The following TSHZ2 variants were observed in gnomAD, a reference collection of about 807,000 sequenced individuals.
TSHZ2 encodes teashirt homolog 2.
Under a neutral mutation model 74.4 loss-of-function variants are expected in TSHZ2, and 21 were observed. The observed-to-expected ratio is 0.28, with a 90% CI of 0.20 to 0.41. The LOEUF (loss-of-function observed/expected upper bound fraction) is 0.41, where lower values mean the gene tolerates loss of function less well. Ranked by LOEUF, TSHZ2 falls within the 10% of genes least tolerant of loss-of-function variation. The pLI is 1.00. For missense variants in TSHZ2, 1,244 were observed against 1,293.5 expected, an observed-to-expected ratio of 0.96 and a Z score of 0.59; for synonymous variants, 540 against 515.3, an observed-to-expected ratio of 1.05 and a Z score of -0.65.
At chr20:53,142,846 T>C (rs1025770326) in intron 1 of TSHZ2, among the ~76,000 whole-genome samples, 20 of 152,074 alleles carry the variant, frequency 1.3e-4, no homozygotes, top group African/African-American at 4.8e-4. Context: ...AATGCTCTGC[T>C]TAATACTATC....
chr20:53,445,643 A>G (rs1225000084), intron 2 of TSHZ2, among the ~76,000 whole-genome samples: 1 of 152,178 alleles, frequency 6.6e-6, no homozygotes, highest in Non-Finnish European at 1.5e-5. Context: ...CTGGTACCCA[A>G]TGCCACAGCA....
At chr20:53,108,300 CAG>C (rs1459618337) in intron 1 of TSHZ2, among the ~76,000 whole-genome samples, 3 of 152,190 alleles carry the variant, frequency 2.0e-5, no homozygotes, top group Non-Finnish European at 2.9e-5. Flanking sequence ...GGGAGTAAGA[CAG>C]AATTATTTTC....
At chr20:52,978,690 C>T (rs1193209010) in intron 1 of TSHZ2, among the ~76,000 whole-genome samples, 2 of 152,036 alleles carry the variant, frequency 1.3e-5, no homozygotes, top group African/African-American at 4.8e-5. Flanking sequence ...TCAAACTGAA[C>T]GACTTTTATT....
chr20:53,116,065 A>G (rs987553154), intron 1 of TSHZ2, among the ~76,000 whole-genome samples: 5 of 152,164 alleles, frequency 3.3e-5, no homozygotes, highest in Non-Finnish European at 5.9e-5. Context: ...TCTCTTCCTT[A>G]TATCAGTTAG....
chr20:53,085,398 G>A (rs898599000), intron 1 of TSHZ2, among the ~76,000 whole-genome samples: 2 of 152,016 alleles, frequency 1.3e-5, no homozygotes, highest in Non-Finnish European at 2.9e-5. Context: ...GAGAAAGAAA[G>A]AAAGACCGAT....
intron 2 of TSHZ2, among the ~76,000 whole-genome samples, chr20:53,446,887 G>T (rs980153052): frequency 6.6e-6 from 1 of 152,118 alleles, no homozygotes; most frequent in African/African-American, 2.4e-5. Context: ...CTAAACAGCT[G>T]CCCCACTCAT....
intron 1 of TSHZ2, chr20:53,185,588 C>A: frequency 6.5e-7 from 1 of 1,526,814 alleles, no homozygotes; most frequent in South Asian, 1.2e-5. Flanking sequence ...CCACTGCACT[C>A]CAGCTGGGGA....
intron 1 of TSHZ2, among the ~76,000 whole-genome samples, chr20:53,225,479 C>T (rs1450326265): frequency 1.3e-5 from 2 of 152,220 alleles, no homozygotes; most frequent in Non-Finnish European, 1.5e-5. Context: ...AAGGCCAGAG[C>T]TTCCCAGGTG....
At chr20:53,246,643 A>C (rs1005251109) in intron 1 of TSHZ2, among the ~76,000 whole-genome samples, 12 of 152,190 alleles carry the variant, frequency 7.9e-5, no homozygotes, top group Admixed American at 2.0e-4. Context: ...ACTCCACTAA[A>C]GTGTCTTGCA....
In TSHZ2 at chr20:53,106,391, C is replaced by CTTTTTTTTTTTTTT. The variant is rs71194458; in HGVS notation, c.40+133076_40+133089dup. On this transcript the variant is annotated intron_variant, in intron 1 of 2. Transcript: ENST00000371497. Reference sequence around the variant, plus strand: ...TTCCTCTAGGGCCTTCTCACACTTTCTTTTTTTTTTTTTTTTTTTTTTTTT... The same window carrying CTTTTTTTTTTTTTT: ...TTCCTCTAGGGCCTTCTCACACTTTCTTTTTTTTTTTTTTTTTTTTTTTTTTTTTTTTTTTTTTT... Among the ~76,000 whole-genome samples, 39 of 58,978 alleles carry CTTTTTTTTTTTTTT rather than the reference C, an allele frequency of 6.6e-4. 11 individuals are homozygous for CTTTTTTTTTTTTTT. The highest frequency in any genetic ancestry group is 2.5e-3 in the African/African-American group (36 of 14,282). 38.7% of individuals were successfully genotyped at this position (58,978 alleles called of 152,430 possible).
At chr20:53,209,366 C>T (rs1371313177) in intron 1 of TSHZ2, among the ~76,000 whole-genome samples, 2 of 152,178 alleles carry the variant, frequency 1.3e-5, no homozygotes, top group Non-Finnish European at 2.9e-5. Context: ...GGATTACAGG[C>T]ATGAGCCACT....
intron 2 of TSHZ2, among the ~76,000 whole-genome samples, chr20:53,358,450 C>A (rs1257097470): frequency 6.8e-6 from 1 of 146,272 alleles, no homozygotes; most frequent in Admixed American, 7.0e-5. Flanking sequence ...AAGCAGTTCT[C>A]GTGCCTCAGC....
At chr20:53,446,302 G>A (rs180906080) in intron 2 of TSHZ2, among the ~76,000 whole-genome samples, 8 of 151,592 alleles carry the variant, frequency 5.3e-5, no homozygotes, top group Admixed American at 3.3e-4. Context: ...GGTGACTTAC[G>A]CCTGTAATCC....
At chr20:53,168,202 G>A (rs997695055) in intron 1 of TSHZ2, among the ~76,000 whole-genome samples, 2 of 152,214 alleles carry the variant, frequency 1.3e-5, no homozygotes, top group Non-Finnish European at 2.9e-5. Flanking sequence ...TGTCTGGATA[G>A]TTGTTTGCTG....
intron 2 of TSHZ2, among the ~76,000 whole-genome samples, chr20:53,445,123 G>C (rs760343872): frequency 1.1e-4 from 17 of 152,204 alleles, no homozygotes; most frequent in African/African-American, 1.4e-4. Flanking sequence ...GGAGAAACTT[G>C]AAGTGTAAGG....
At chr20:53,368,091 G>A (rs1287616802) in intron 2 of TSHZ2, among the ~76,000 whole-genome samples, 2 of 152,160 alleles carry the variant, frequency 1.3e-5, no homozygotes, top group East Asian at 3.9e-4. Context: ...ACCCATGACA[G>A]CAGCTTGTAG....
At chr20:52,983,933 T>A (rs1981660382) in intron 1 of TSHZ2, among the ~76,000 whole-genome samples, 1 of 152,170 alleles carries the variant, frequency 6.6e-6, no homozygotes, top group Non-Finnish European at 1.5e-5. Flanking sequence ...GCTCATCCCC[T>A]CAGGCCCCAG....
chr20:53,332,565 A>G (rs201642772), intron 2 of TSHZ2, among the ~76,000 whole-genome samples: 2 of 152,246 alleles, frequency 1.3e-5, no homozygotes, highest in East Asian at 3.9e-4. Context: ...TTGTGTGTGT[A>G]TGTGCACATA....
At chr20:53,354,410 AT>A (rs1283263664) in intron 2 of TSHZ2, among the ~76,000 whole-genome samples, 1 of 152,196 alleles carries the variant, frequency 6.6e-6, no homozygotes, top group African/African-American at 2.4e-5. Context: ...ATGTCTTGCT[AT>A]TTGGCTTGTA....
Sources: gnomAD v4.1 joint callset for allele counts (sites outside exome capture counted in the v4.1 genomes callset) on GRCh38, gnomAD v4.1.1 for gene constraint, MANE v1.5 for transcripts, NCBI Gene and HGNC (gene_info 2026-07-23, HGNC 2026-07-21) for gene names.